Variants in SCOC observed in about 807,000 individuals in gnomAD.
The protein encoded by SCOC is short coiled coil protein.
In SCOC, 7 loss-of-function variants were observed where a neutral mutation model predicts 9.9. The observed-to-expected ratio is 0.71, with a 90% confidence interval of 0.40 to 1.33. The LOEUF is 1.33. Ranked by LOEUF, SCOC falls within the 40% of genes most tolerant of loss-of-function variation. The probability of loss-of-function intolerance (pLI) is 0.01; values close to 1 mark genes in which losing one functional copy is unlikely to be tolerated. For missense variants in SCOC, 66 were observed against 89.7 expected, an observed-to-expected ratio of 0.74 and a Z score of 1.07; for synonymous variants, 19 against 28.2, an observed-to-expected ratio of 0.67 and a Z score of 1.03.
At chr4:140,330,903 A>C (rs1436396802) in intron 1 of SCOC, among the ~76,000 whole-genome samples, 1 of 152,216 alleles carries the variant, frequency 6.6e-6, no homozygotes, top group African/African-American at 2.4e-5. Context: ...CATTGGGATG[A>C]AAAAAACAGT....
intron 1 of SCOC, among the ~76,000 whole-genome samples, chr4:140,336,708 T>C (rs759465133): frequency 8.5e-5 from 13 of 152,236 alleles, no homozygotes; most frequent in Non-Finnish European, 1.3e-4. Context: ...AGTTTCTGTG[T>C]GGACATATGT....
intron 1 of SCOC, among the ~76,000 whole-genome samples, chr4:140,326,643 A>AC (rs10706298): frequency 8.6e-5 from 13 of 151,660 alleles, no homozygotes; most frequent in South Asian, 2.1e-4. Context: ...TTATAGGCAG[A>AC]CCCCCCCCCC....
intron 1 of SCOC, among the ~76,000 whole-genome samples, chr4:140,273,037 C>A (rs1339344851): frequency 6.6e-6 from 1 of 152,182 alleles, no homozygotes; most frequent in Non-Finnish European, 1.5e-5. Context: ...TACAGAAATT[C>A]TCTGACGGGC....
At chr4:140,328,129 A>G (rs1016837343) in intron 1 of SCOC, among the ~76,000 whole-genome samples, 1 of 152,200 alleles carries the variant, frequency 6.6e-6, no homozygotes, top group Non-Finnish European at 1.5e-5. Context: ...CTGAGAAGAA[A>G]GCTTAGCACA....
intron 1 of SCOC, among the ~76,000 whole-genome samples, chr4:140,271,642 A>G (rs1730848033): frequency 1.3e-5 from 2 of 152,206 alleles, no homozygotes; most frequent in Non-Finnish European, 2.9e-5. Flanking sequence ...TCTGTGACCA[A>G]CAGGGAGCAC....
intron 1 of SCOC, among the ~76,000 whole-genome samples, chr4:140,377,850 A>G (rs150623147): frequency 7.3e-4 from 111 of 152,298 alleles, no homozygotes; most frequent in East Asian, 1.7e-3. Context: ...TAAGATACGG[A>G]GGCATAACAA....
upstream of SCOC, among the ~76,000 whole-genome samples, chr4:140,372,627 C>G (rs1728103300): frequency 6.6e-6 from 1 of 152,088 alleles, no homozygotes; most frequent in Admixed American, 6.5e-5. Context: ...GCATAGTTCT[C>G]AAAACACTGA....
chr4:140,340,783 CTTTTTTT>C (rs36136647), upstream of SCOC, among the ~76,000 whole-genome samples: 9 of 40,476 alleles, frequency 2.2e-4, no homozygotes, highest in Admixed American at 1.3e-3. Flanking sequence ...TGCTGCCTAA[CTTTTTTT>C]TTTTTTTTTT....
At chr4:140,355,716 A>G (rs1259568421) in intron 2 of SCOC, among the ~76,000 whole-genome samples, 8 of 152,340 alleles carry the variant, frequency 5.3e-5, no homozygotes, top group Non-Finnish European at 1.0e-4. Context: ...GCTCTCTACC[A>G]ATATTGGAAT....
At chr4:140,313,594 G>C (rs1435653536) in intron 1 of SCOC, among the ~76,000 whole-genome samples, 1 of 152,180 alleles carries the variant, frequency 6.6e-6, no homozygotes, top group Non-Finnish European at 1.5e-5. Flanking sequence ...AGTGTGGAGA[G>C]TAATAATGGC....
intron 1 of SCOC, among the ~76,000 whole-genome samples, chr4:140,308,120 T>C (rs888962119): frequency 1.2e-4 from 18 of 152,200 alleles, no homozygotes; most frequent in African/African-American, 4.1e-4. Context: ...GAATGTGCTA[T>C]TCATCTGTTT....
intron 1 of SCOC, among the ~76,000 whole-genome samples, chr4:140,298,384 G>A (rs1216758863): frequency 6.6e-6 from 1 of 152,234 alleles, no homozygotes; most frequent in African/African-American, 2.4e-5. Flanking sequence ...TCATACCAGT[G>A]CCTCACACTA....
chr4:140,263,637 C>T (rs547273902), intron 1 of SCOC, among the ~76,000 whole-genome samples: 3 of 152,230 alleles, frequency 2.0e-5, no homozygotes, highest in African/African-American at 4.8e-5. Flanking sequence ...AAAAGATTAG[C>T]GAGGCTCAAA....
At chr4:140,287,845 CTA>C (rs1435755822) in intron 1 of SCOC, among the ~76,000 whole-genome samples, 1 of 152,000 alleles carries the variant, frequency 6.6e-6, no homozygotes, top group East Asian at 1.9e-4. Context: ...ATGCACATAA[CTA>C]TGACACACAG....
At chr4:140,258,840 A>T (rs746751410) in intron 1 of SCOC, among the ~76,000 whole-genome samples, 1 of 152,154 alleles carries the variant, frequency 6.6e-6, no homozygotes, top group African/African-American at 2.4e-5. Flanking sequence ...CTTCCTTATC[A>T]TGGTTCTCCC....
chr4:140,312,787 G>A (rs1043175345), intron 1 of SCOC, among the ~76,000 whole-genome samples: 1 of 152,054 alleles, frequency 6.6e-6, no homozygotes, highest in Non-Finnish European at 1.5e-5. Context: ...CTTAAATCTA[G>A]GTATTTTTGT....
At chr4:140,373,582 T>C (rs1035780942), upstream of SCOC, 2 of 1,551,672 alleles carry the variant, frequency 1.3e-6, no homozygotes, top group Non-Finnish European at 1.7e-6. Flanking sequence ...GGCGAGCGGC[T>C]GGGACGGGAT....
intron 2 of SCOC, among the ~76,000 whole-genome samples, chr4:140,360,269 C>T (rs945297092): frequency 6.6e-6 from 1 of 152,192 alleles, no homozygotes; most frequent in Non-Finnish European, 1.5e-5. Flanking sequence ...AATTTTGCCA[C>T]TAGAGGTCAC....
At chr4:140,270,460 A>T (rs1730818557) in intron 1 of SCOC, among the ~76,000 whole-genome samples, 1 of 152,200 alleles carries the variant, frequency 6.6e-6, no homozygotes, top group South Asian at 2.1e-4. Context: ...TACCCTCCCT[A>T]GTAGCTGGGA....
Sources: allele counts gnomAD v4.1 joint callset (sites outside exome capture counted in the v4.1 genomes callset), GRCh38; gene constraint gnomAD v4.1.1; transcripts MANE v1.5; gene names NCBI Gene and HGNC (gene_info 2026-07-23, HGNC 2026-07-21).